RAPGEF3: variants seen among roughly 807,000 people sequenced by gnomAD.
The protein encoded by RAPGEF3 is 9330170P05Rik.
Under a neutral mutation model 129.8 loss-of-function variants are expected in RAPGEF3, and 103 were observed. The ratio of observed to expected loss-of-function variants is 0.79; its 90% CI spans 0.68 to 0.93. RAPGEF3 has a LOEUF of 0.93. Among genes scored for constraint, RAPGEF3 ranks in the 40% least tolerant of loss-of-function variants. The probability of loss-of-function intolerance (pLI) is 0.00; values close to 1 mark genes in which losing one functional copy is unlikely to be tolerated. For missense variants in RAPGEF3, 1,117 were observed against 1,207.4 expected (o/e 0.93, Z 1.11); for synonymous variants, 436 against 482.6 (o/e 0.90, Z 1.26).
chr12:47,747,132 A>T (rs1206330246), intron 15 of RAPGEF3, among the ~76,000 whole-genome samples: 2 of 152,182 alleles, frequency 1.3e-5, no homozygotes, highest in Non-Finnish European at 2.9e-5. Flanking sequence ...ATGCAGACCC[A>T]GGGTTTCAGA....
At position 47,758,799 on chromosome 12, in the gene RAPGEF3, C is replaced by T. The variant is rs923213482; in HGVS notation, c.-243G>A. On this transcript the variant is annotated 5_prime_UTR_variant, in exon 1 of 28. Transcript: ENST00000449771. Reference sequence around the variant, plus strand: ...TGGTGGGGGGACGCCACCCAGCCACCGGCGACAGGGAGCCCCGAGCCTGCG... The same window carrying T: ...TGGTGGGGGGACGCCACCCAGCCACTGGCGACAGGGAGCCCCGAGCCTGCG... 4.9e-6 allele frequency: 6 copies of T among 1,229,500 alleles called. No individual in the cohort carries two copies. The East Asian group carries it at 9.7e-5, about 20-fold the overall frequency. The allele number at this position is 1,229,500 out of a possible 1,614,324, so 76.2% of individuals were successfully genotyped here. A position where few individuals can be genotyped will look rare whatever the true frequency, so the allele number is the denominator to read the frequency against.
At position 47,737,659 on chromosome 12, in the gene RAPGEF3, T is replaced by A. The variant is rs371724746; in HGVS notation, c.2680A>T (p.Ser894Cys). 4.5e-5 allele frequency: 73 copies of A among 1,613,126 alleles called. No homozygotes were observed. Among genetic ancestry groups the A allele is most frequent in the Non-Finnish European group, 6.0e-5 (71 of 1,179,916 alleles). The stretch of plus-strand genomic sequence containing the variant: ...ACATAAGCCCAGGTGCTGGCTGGAC[T>A]CCGGGTGCTCAGGGACTGCTCCGAG... ...TCSEQSLSTRSPASTWAYVQQ... is the reference protein window; with the variant it reads ...TCSEQSLSTRCPASTWAYVQQ... The change falls in exon 28 of 28, where the codon AGT (serine) becomes TGT (cysteine). Residue 894 changes from serine to cysteine, a missense_variant. Around this residue, in one of 3 missense-constraint regions of RAPGEF3, gnomAD observed 643 missense variants for 673.4 expected, o/e 0.95. Transcript: ENST00000449771.
chr12:47,738,636 A>G, intron 25 of RAPGEF3, 54 bp downstream of exon 25: 1 of 1,470,668 alleles, frequency 6.8e-7, no homozygotes, highest in Non-Finnish European at 9.5e-7. Flanking sequence ...CCCAGGCCAC[A>G]GTCATGTCCT....
rs1343594197 is a variant in RAPGEF3, at chr12:47,736,945, C to T, written c.*622G>A. 1 of 152,730 alleles carries T rather than the reference C, an allele frequency of 6.5e-6. No homozygotes were observed. Among genetic ancestry groups the T allele is most frequent in the Admixed American group, 6.5e-5 (1 of 15,300 alleles). The allele number at this position is 152,730 out of a possible 1,614,324, so 9.5% of individuals were successfully genotyped here. A position where few individuals can be genotyped will look rare whatever the true frequency, so the allele number is the denominator to read the frequency against. ...CCAGCATGGGGCTGCTTCTCCTCCA[C>T]AGCTCCTTCCCAGAGGGCGGGGCCT... On this transcript the variant is annotated 3_prime_UTR_variant, in exon 28 of 28. Coordinates refer to ENST00000449771, the MANE Select transcript of RAPGEF3 (RefSeq NM_001098531.4).
At position 47,738,898 on chromosome 12, in the gene RAPGEF3, T is replaced by C. The variant is rs1940964129; in HGVS notation, c.2462-144A>G. On this transcript the variant is annotated intron_variant, in intron 24 of 27. Coordinates refer to ENST00000449771, the MANE Select transcript of RAPGEF3 (RefSeq NM_001098531.4). ...TGCCCCCTCCAAGCCCCAGCAGCAT[T>C]TCCTTGTATCTCTTAGGCCCTGAAG... The C allele has an allele frequency of 4.9e-6, 4 of 811,736 alleles. No homozygotes were observed. In the Admixed American group the frequency reaches 8.3e-5, roughly 17 times the overall value. 50.3% of individuals were successfully genotyped at this position (811,736 alleles called of 1,614,324 possible).
chr12:47,751,931 G>A lies in RAPGEF3; in HGVS notation c.258C>T (p.Ser86=), dbSNP rs150920877. The A allele has an allele frequency of 1.1e-3, 1,792 of 1,614,154 alleles. 2 individuals carry two copies. Among genetic ancestry groups the A allele is most frequent in the Middle Eastern group, 1.8e-3 (11 of 6,062 alleles). Residue 86 remains serine (S), a synonymous_variant, in exon 3 of 28, where the codon AGC becomes AGT. Transcript: ENST00000449771. The part of the protein sequence containing the change: ...LTNSEESLDF[S]ESLEQASTER... ...AGGCTTCTACCTGCTCCAGGCTCTC[G>A]CTGAAATCCAGGGACTCCTCGCTGT...
chr12:47,747,296 T>C (rs1411263818), intron 15 of RAPGEF3, among the ~76,000 whole-genome samples: 1 of 151,956 alleles, frequency 6.6e-6, no homozygotes, highest in Non-Finnish European at 1.5e-5. Flanking sequence ...GCATGCCCAA[T>C]GGAGGAAGTG....
chr12:47,750,195 C>A, intron 7 of RAPGEF3, 146 bp downstream of exon 7: 6 of 1,068,040 alleles, frequency 5.6e-6, no homozygotes, highest in Non-Finnish European at 8.5e-6. Context: ...GACAGGGCAG[C>A]GCCGGGGGCA....
intron 17 of RAPGEF3, 91 bp from the exon 18 acceptor site, chr12:47,743,767 G>A (rs1281010803): frequency 6.6e-7 from 1 of 1,518,722 alleles, no homozygotes; most frequent in East Asian, 2.3e-5. Context: ...TGGTGGGAGG[G>A]ATCCCCAAGA....
intron 16 of RAPGEF3, chr12:47,746,350 C>G: frequency 2.5e-6 from 1 of 396,038 alleles, no homozygotes. Context: ...CCAACCTAAT[C>G]TACCTTTCCA....
At position 47,738,687 on chromosome 12, in the gene RAPGEF3, C is replaced by T; in HGVS notation, c.2526+3G>A. 6.3e-7 allele frequency: 1 copy of T among 1,597,804 alleles called. No individual in the cohort carries two copies. On this transcript the variant is annotated splice_donor_region_variant and intron_variant, in intron 25 of 27. Coordinates refer to ENST00000449771, the MANE Select transcript of RAPGEF3 (RefSeq NM_001098531.4). ...AGTGAATGCCTGCTCTCCCTGGACT[C>T]ACCATCTTCTCAAAGTTGATGAGAT...
At position 47,748,145 on chromosome 12, in the gene RAPGEF3, G is replaced by T. The variant is rs576540094; in HGVS notation, c.1251C>A (p.Phe417Leu). ...DSSAHDPTET[F>L]LSDFLLTHRV... ...TGTGGGTCAGGAGGAAGTCGCTGAG[G>T]AATGTCTCTGTATGACAGGGTGAGG... The change falls in exon 13 of 28, where the codon TTC (phenylalanine) becomes TTA (leucine). Residue 417 changes from phenylalanine to leucine, a missense_variant. Transcript: ENST00000449771. The T allele has an allele frequency of 3.2e-6, 5 of 1,579,226 alleles. No individual in the cohort carries two copies. Among genetic ancestry groups the T allele is most frequent in the Non-Finnish European group, 4.3e-6 (5 of 1,162,076 alleles).
At position 47,748,100 on chromosome 12, in the gene RAPGEF3, G is replaced by A. The variant is rs61733249; in HGVS notation, c.1296C>T (p.Ala432=). The part of the protein sequence containing the change: ...LLTHRVFMPS[A]QLCAALLHHF... Reference sequence around the variant, plus strand: ...GGTGCAGAAGGGCAGCGCAGAGTTGGGCGCTGGGCATGAAGACCCTGTGGG... The same window carrying A: ...GGTGCAGAAGGGCAGCGCAGAGTTGAGCGCTGGGCATGAAGACCCTGTGGG... The change falls in exon 13 of 28, where the codon GCC becomes GCT. Residue 432 remains alanine (A), a synonymous_variant. Transcript: ENST00000449771. 8.7e-4 allele frequency: 1,377 copies of A among 1,588,780 alleles called. 17 individuals carry two copies. The African/African-American group carries it at 0.017, about 20-fold the overall frequency.
intron 16 of RAPGEF3, chr12:47,744,290 C>G: frequency 1.7e-6 from 1 of 573,942 alleles, no homozygotes; most frequent in South Asian, 2.0e-5. Context: ...CAAATCCATG[C>G]CCCTCCGTGT....
intron 24 of RAPGEF3, 35 bp from the exon 25 acceptor site, chr12:47,738,789 A>C (rs201750667): frequency 6.4e-7 from 1 of 1,554,818 alleles, no homozygotes; most frequent in South Asian, 1.1e-5. Flanking sequence ...TAGGTCCCCA[A>C]ACTTCTGCCC....
Position 47,738,768 on chromosome 12 carries a change from G to T in RAPGEF3, c.2462-14C>A. The stretch of plus-strand genomic sequence containing the variant: ...TGAAGGTCATGTCTGCAAAGAGATG[G>T]GTTTTGTTCATAGGTCCCCAAACTT... On this transcript the variant is annotated splice_polypyrimidine_tract_variant and intron_variant, in intron 24 of 27. Coordinates refer to ENST00000449771, the MANE Select transcript of RAPGEF3 (RefSeq NM_001098531.4). 2 of 1,602,226 alleles carry T rather than the reference G, an allele frequency of 1.2e-6. No individual in the cohort carries two copies. Among genetic ancestry groups the T allele is most frequent in the Non-Finnish European group, 1.7e-6 (2 of 1,169,232 alleles).
chr12:47,750,311 C>T (rs566896897), intron 7 of RAPGEF3, 30 bp downstream of exon 7: 29 of 1,590,664 alleles, frequency 1.8e-5, no homozygotes, highest in African/African-American at 6.7e-5. Context: ...ATGCCTGGTA[C>T]GGGGCAGGGC....
Position 47,746,916 on chromosome 12 carries a change from A to G in RAPGEF3, c.1557-17T>C, listed in dbSNP as rs1385162150. 1.2e-6 allele frequency: 2 copies of G among 1,603,560 alleles called. No individual in the cohort carries two copies. Among genetic ancestry groups the G allele is most frequent in the Admixed American group, 3.5e-5 (2 of 57,152 alleles). ...TTCTCCAACCTGCAGACAAGAGAGA[A>G]GGGAGGTGAGTGAGCCCAGGTATCC... is the stretch of plus-strand genomic sequence containing the variant. On this transcript the variant is annotated splice_polypyrimidine_tract_variant and intron_variant, in intron 15 of 27. Transcript: ENST00000449771.
In RAPGEF3 at chr12:47,734,522, A is replaced by G. The variant is rs1056527954; in HGVS notation, c.*3045T>C. ...TCACCTGTCTACCCTGCTATTAAGC[A>G]GTTATGTGACCTTGGGCAAACCTGC... On this transcript the variant is annotated 3_prime_UTR_variant, in exon 28 of 28. Coordinates refer to ENST00000449771, the MANE Select transcript of RAPGEF3 (RefSeq NM_001098531.4). The G allele has an allele frequency of 7.2e-5, 11 of 152,256 alleles. No individual in the cohort carries two copies. Among genetic ancestry groups the G allele is most frequent in the African/African-American group, 2.7e-4 (11 of 41,462 alleles). The allele number at this position is 152,256 out of a possible 1,614,324, so 9.4% of individuals were successfully genotyped here. A position where few individuals can be genotyped will look rare whatever the true frequency, so the allele number is the denominator to read the frequency against.
Sources: allele counts gnomAD v4.1 joint callset (sites outside exome capture counted in the v4.1 genomes callset), GRCh38; gene constraint gnomAD v4.1.1; regional missense constraint gnomAD v4.1.1; transcripts MANE v1.5; gene names NCBI Gene and HGNC (gene_info 2026-07-23, HGNC 2026-07-21).